Variants in KCMF1 observed in about 807,000 individuals in gnomAD.
The protein encoded by KCMF1 is E3 ubiquitin-protein ligase KCMF1.
KCMF1 carries 3 observed loss-of-function variants against 41.1 expected under a neutral mutation model. The ratio of observed to expected loss-of-function variants is 0.07; its 90% CI spans 0.03 to 0.19. KCMF1 has a LOEUF of 0.19. Among genes scored for constraint, KCMF1 ranks in the 10% least tolerant of loss-of-function variants. The pLI is 1.00. For missense variants in KCMF1, 286 were observed against 488.9 expected (o/e 0.58, Z 3.91); for synonymous variants, 142 against 164.5 (o/e 0.86, Z 1.04).
At chr2:85,031,048 C>T (rs1675254287) in intron 2 of KCMF1, among the ~76,000 whole-genome samples, 1 of 152,178 alleles carries the variant, frequency 6.6e-6, no homozygotes, top group Non-Finnish European at 1.5e-5. Context: ...TCTGTAGCTT[C>T]ATAGTAAGCT....
intron 1 of KCMF1, among the ~76,000 whole-genome samples, chr2:84,976,651 A>C (rs1011436021): frequency 5.3e-5 from 8 of 151,910 alleles, no homozygotes; most frequent in African/African-American, 1.5e-4. Context: ...ACAAAAAAAA[A>C]CAAATTGAGA....
At chr2:84,986,736 G>A (rs1429749110) in intron 1 of KCMF1, among the ~76,000 whole-genome samples, 1 of 151,370 alleles carries the variant, frequency 6.6e-6, no homozygotes, top group African/African-American at 2.4e-5. Flanking sequence ...AAAAAAATTA[G>A]CCAGGCGTGG....
chr2:85,027,351 GCTGGCTTAT>G (rs924432685), intron 1 of KCMF1, among the ~76,000 whole-genome samples: 13 of 135,142 alleles, frequency 9.6e-5, no homozygotes, highest in African/African-American at 3.6e-4. Flanking sequence ...TTACCTTCTT[GCTGGCTTAT>G]CAAGGCTTTT....
At chr2:85,021,995 T>G (rs545091690) in intron 1 of KCMF1, among the ~76,000 whole-genome samples, 25 of 151,890 alleles carry the variant, frequency 1.6e-4, no homozygotes, top group African/African-American at 5.8e-4. Context: ...TTTTGTATTT[T>G]TAGTAGAGAT....
chr2:85,043,153 T>C (rs1013216291), intron 3 of KCMF1, among the ~76,000 whole-genome samples: 2 of 152,246 alleles, frequency 1.3e-5, no homozygotes, highest in Non-Finnish European at 1.5e-5. Flanking sequence ...TGCTGTCTTA[T>C]TTGGGAATTG....
intron 1 of KCMF1, among the ~76,000 whole-genome samples, 165 bp downstream of exon 1, chr2:84,971,632 G>A (rs1380210665): frequency 2.7e-5 from 4 of 150,884 alleles, no homozygotes; most frequent in African/African-American, 9.7e-5. Context: ...GGAGAGCCGC[G>A]GCGCCGCTGC....
chr2:84,971,180 G>A lies in KCMF1; in HGVS notation c.-272G>A, dbSNP rs1573997556. 8 of 146,540 alleles carry A rather than the reference G, an allele frequency of 5.5e-5. 1 individual carries two copies. In the South Asian group the frequency reaches 1.4e-3, roughly 26 times the overall value. The allele number at this position is 146,540 out of a possible 1,614,324, so 9.1% of individuals were successfully genotyped here. Reference sequence around the variant, plus strand: ...GCCGGCAGGCCCGAGAGTGACCGGAGTCACGGCGGGCGCCGGCGGAGCTGC... The same window carrying A: ...GCCGGCAGGCCCGAGAGTGACCGGAATCACGGCGGGCGCCGGCGGAGCTGC... On this transcript the variant is annotated 5_prime_UTR_variant, in exon 1 of 7. Transcript: ENST00000409785.
chr2:84,980,023 G>A (rs1278549279), intron 1 of KCMF1, among the ~76,000 whole-genome samples: 1 of 151,582 alleles, frequency 6.6e-6, no homozygotes, highest in Non-Finnish European at 1.5e-5. Flanking sequence ...AGTAGAGATG[G>A]TGTTTCTCCA....
intron 1 of KCMF1, among the ~76,000 whole-genome samples, chr2:84,972,433 T>G (rs1356813055): frequency 3.3e-5 from 5 of 152,216 alleles, no homozygotes; most frequent in African/African-American, 1.2e-4. Context: ...GCCATATGGT[T>G]TAGAAAAGGA....
At chr2:84,996,651 G>T (rs1559129064) in intron 1 of KCMF1, among the ~76,000 whole-genome samples, 1 of 151,954 alleles carries the variant, frequency 6.6e-6, no homozygotes, top group Non-Finnish European at 1.5e-5. Context: ...GGCCAGACTC[G>T]TCTCAAACTC....
chr2:85,037,988 A>G (rs1033955526), intron 3 of KCMF1, among the ~76,000 whole-genome samples: 6 of 152,250 alleles, frequency 3.9e-5, no homozygotes, highest in African/African-American at 1.2e-4. Flanking sequence ...CAGTGTAGCT[A>G]AATTATATTA....
rs992732524 is a variant in KCMF1, at chr2:84,971,306, G to C, written c.-146G>C. On this transcript the variant is annotated 5_prime_UTR_variant, in exon 1 of 7. Transcript: ENST00000409785. ...GCCGCCGCCGCCGCCGCCGCCGCGG[G>C]AGCGCTCCCCTGCCCACCCCGCCCC... 9.6e-6 allele frequency: 2 copies of C among 208,914 alleles called. No homozygotes were observed. The highest frequency in any genetic ancestry group is 1.6e-5 in the Non-Finnish European group (2 of 122,002). The allele number at this position is 208,914 out of a possible 1,614,324, so 12.9% of individuals were successfully genotyped here.
chr2:85,002,020 G>A (rs1373050705), intron 1 of KCMF1, among the ~76,000 whole-genome samples: 1 of 152,180 alleles, frequency 6.6e-6, no homozygotes, highest in Non-Finnish European at 1.5e-5. Flanking sequence ...AAATAAACTT[G>A]TGGGACCACC....
At chr2:84,989,268 G>GA (rs2103975096) in intron 1 of KCMF1, among the ~76,000 whole-genome samples, 1 of 152,260 alleles carries the variant, frequency 6.6e-6, no homozygotes, top group African/African-American at 2.4e-5. Flanking sequence ...AGATATAGTG[G>GA]AAAAAACAGA....
chr2:85,007,071 A>T (rs1353949357), intron 1 of KCMF1, among the ~76,000 whole-genome samples: 1 of 149,108 alleles, frequency 6.7e-6, no homozygotes, highest in Non-Finnish European at 1.5e-5. Flanking sequence ...ACTGCACTCC[A>T]GCCTGGGCAA....
intron 2 of KCMF1, among the ~76,000 whole-genome samples, chr2:85,028,783 C>T (rs751554191): frequency 1.5e-4 from 23 of 151,926 alleles, no homozygotes; most frequent in Non-Finnish European, 2.2e-4. Context: ...CCACCGCGCC[C>T]GGCCTTACTT....
At chr2:85,002,847 T>C (rs1674368002) in intron 1 of KCMF1, among the ~76,000 whole-genome samples, 1 of 152,190 alleles carries the variant, frequency 6.6e-6, no homozygotes, top group Admixed American at 6.5e-5. Context: ...CTAGATACTT[T>C]GCCATTCTGT....
chr2:84,980,029 C>G (rs1673667119), intron 1 of KCMF1, among the ~76,000 whole-genome samples: 1 of 150,932 alleles, frequency 6.6e-6, no homozygotes, highest in South Asian at 2.1e-4. Flanking sequence ...GATGGTGTTT[C>G]TCCATGTTGG....
chr2:85,019,796 ATG>A (rs1208582769), intron 1 of KCMF1, among the ~76,000 whole-genome samples: 11 of 151,736 alleles, frequency 7.2e-5, no homozygotes, highest in Admixed American at 2.0e-4. Flanking sequence ...ATACGTATAT[ATG>A]TGTGTGTATA....
Sources: allele counts gnomAD v4.1 joint callset (sites outside exome capture counted in the v4.1 genomes callset), GRCh38; gene constraint gnomAD v4.1.1; transcripts MANE v1.5; gene names NCBI Gene and HGNC (gene_info 2026-07-23, HGNC 2026-07-21).